The following EIF4E3 variants were observed in gnomAD, a reference collection of about 807,000 sequenced individuals.
EIF4E3 encodes eukaryotic translation initiation factor 4E type 3.
In EIF4E3, 26 loss-of-function variants were observed where a neutral mutation model predicts 31.7. That is an observed-to-expected ratio of 0.82 (90% CI 0.60 to 1.14). The LOEUF (loss-of-function observed/expected upper bound fraction) is 1.14. Ranked by LOEUF, EIF4E3 falls within the 50% of genes most tolerant of loss-of-function variation. EIF4E3 has a pLI of 0.00. For missense variants in EIF4E3, 304 were observed against 270.9 expected (o/e 1.12, Z -0.86); for synonymous variants, 128 against 107.7 (o/e 1.19, Z -1.17).
rs994358277 is a variant in EIF4E3 at position 71,679,994 on chromosome 3, A to G, written c.*4688T>C. The G allele has an allele frequency of 6.6e-6, 1 of 152,218 alleles. No individual in the cohort carries two copies. Among genetic ancestry groups the G allele is most frequent in the Non-Finnish European group, 1.5e-5 (1 of 68,028 alleles). The allele number at this position is 152,218 out of a possible 1,614,324, so 9.4% of individuals were successfully genotyped here. A position where few individuals can be genotyped will look rare whatever the true frequency, so the allele number is the denominator to read the frequency against. ...CTTAACAGACTGAAATGGTATTTAGAAAAGAGAAAAACCACCACTCTGTAT... is the reference window on the plus strand; with the variant it reads ...CTTAACAGACTGAAATGGTATTTAGGAAAGAGAAAAACCACCACTCTGTAT... On this transcript the variant is annotated 3_prime_UTR_variant, in exon 7 of 7. Transcript: ENST00000425534.
chr3:71,679,791 AGG>A lies in EIF4E3; in HGVS notation c.*4889_*4890del. ...TTAATTTTAGTGGAAATTCATTCCC[AGG>A]CTACTTTGATAGTCATTTGAACAGT... On this transcript the variant is annotated 3_prime_UTR_variant, in exon 7 of 7. Transcript: ENST00000425534. 6.6e-6 allele frequency: 1 copy of A among 152,210 alleles called. No homozygotes were observed. The highest frequency in any genetic ancestry group is 1.9e-4 in the East Asian group (1 of 5,198). The allele number at this position is 152,210 out of a possible 1,614,324, so 9.4% of individuals were successfully genotyped here.
intron 4 of EIF4E3, among the ~76,000 whole-genome samples, chr3:71,694,802 G>C (rs1235490557): frequency 1.3e-5 from 2 of 152,136 alleles, no homozygotes; most frequent in African/African-American, 4.8e-5. Flanking sequence ...AATAATAATA[G>C]GTCCGACCTT....
the EIF4E3 span, among the ~76,000 whole-genome samples, chr3:71,665,215 T>G: frequency 6.6e-6 from 1 of 152,290 alleles, no homozygotes; most frequent in Admixed American, 6.5e-5. Flanking sequence ...CCAGTGAAAA[T>G]TCAAATATGG....
At chr3:71,724,483 C>G (rs537643544) in intron 1 of EIF4E3, among the ~76,000 whole-genome samples, 4 of 152,274 alleles carry the variant, frequency 2.6e-5, no homozygotes, top group South Asian at 2.1e-4. Context: ...ATTTTAGATA[C>G]GGTAGTCAGG....
intron 1 of EIF4E3, among the ~76,000 whole-genome samples, chr3:71,731,194 C>T (rs1484392212): frequency 1.3e-5 from 2 of 152,198 alleles, no homozygotes; most frequent in East Asian, 3.9e-4. Context: ...TCCTCAAACA[C>T]TGGTTTGCTT....
At chr3:71,694,660 T>A (rs1407414452) in intron 4 of EIF4E3, among the ~76,000 whole-genome samples, 1 of 152,214 alleles carries the variant, frequency 6.6e-6, no homozygotes, top group Non-Finnish European at 1.5e-5. Context: ...GTCCCATTTA[T>A]CCTCCTTCCT....
rs59283964 is a variant in EIF4E3, at chr3:71,690,902, C to T, written c.473-737G>A. Among the ~76,000 whole-genome samples, 132 of 152,222 alleles carry T rather than the reference C, an allele frequency of 8.7e-4. 1 individual carries two copies. The highest frequency in any genetic ancestry group is 3.0e-3 in the African/African-American group (125 of 41,534). On this transcript the variant is annotated intron_variant, in intron 5 of 6. Transcript: ENST00000425534. ...ATAGGATCGTCCTTCAATGAATGAA[C>T]GTTAAGGCATTTATCCACATTGATT... is the stretch of plus-strand genomic sequence containing the variant.
chr3:71,750,765 GGT>G (rs1491533958), intron 1 of EIF4E3, among the ~76,000 whole-genome samples: 9 of 123,768 alleles, frequency 7.3e-5, no homozygotes, highest in Non-Finnish European at 8.8e-5. Context: ...ACAAATAATT[GGT>G]TTTTTTTTTT....
At chr3:71,753,932 G>T, upstream of EIF4E3, 1 of 1,007,272 alleles carries the variant, frequency 9.9e-7, no homozygotes, top group African/African-American at 1.7e-5. Flanking sequence ...GCTGAGCCCC[G>T]CAGGACGGGG....
chr3:71,735,529 T>C (rs2049753834), intron 1 of EIF4E3, among the ~76,000 whole-genome samples: 3 of 152,212 alleles, frequency 2.0e-5, no homozygotes, highest in Admixed American at 1.3e-4. Flanking sequence ...ATAGGTGTAA[T>C]GTCACCACCC....
In EIF4E3 at chr3:71,717,344, C is replaced by T. The variant is rs551695477; in HGVS notation, c.177-6860G>A. Among the ~76,000 whole-genome samples, 17 of 152,312 alleles carry T rather than the reference C, an allele frequency of 1.1e-4. No individual in the cohort carries two copies. In the East Asian group the frequency reaches 3.3e-3, roughly 29 times the overall value. ...GAAAGTAAAATCTAATGAACTACAG[C>T]ATCACAAGACAAATGTAAAAATCAC... On this transcript the variant is annotated intron_variant, in intron 1 of 6. Coordinates refer to ENST00000425534, the MANE Select transcript of EIF4E3 (RefSeq NM_001134651.2).
At chr3:71,707,733 T>A (rs2049314632) in intron 2 of EIF4E3, among the ~76,000 whole-genome samples, 1 of 152,150 alleles carries the variant, frequency 6.6e-6, no homozygotes, top group South Asian at 2.1e-4. Flanking sequence ...GTAAAAAGAA[T>A]GAGATTTGTT....
intron 1 of EIF4E3, among the ~76,000 whole-genome samples, chr3:71,714,306 GAAAGAAAGGA>G (rs1478476680): frequency 5.6e-5 from 6 of 107,298 alleles, no homozygotes; most frequent in African/African-American, 2.3e-4. Flanking sequence ...AGGAAGGAAC[GAAAGAAAGGA>G]AAGGAAAGAA....
At chr3:71,660,886 G>T in the EIF4E3 span, among the ~76,000 whole-genome samples, 8 of 152,240 alleles carry the variant, frequency 5.3e-5, no homozygotes, top group East Asian at 1.4e-3. Context: ...GGGCAGGCTG[G>T]TTATTTTTAT....
chr3:71,670,337 G>A, the EIF4E3 span, among the ~76,000 whole-genome samples: 1 of 152,074 alleles, frequency 6.6e-6, no homozygotes, highest in African/African-American at 2.4e-5. Context: ...GTGCCTCTTC[G>A]CAAGGCTCGC....
intron 1 of EIF4E3, among the ~76,000 whole-genome samples, chr3:71,719,128 C>T (rs1244837934): frequency 9.9e-5 from 15 of 152,178 alleles, no homozygotes. Flanking sequence ...AGGGTGGGTC[C>T]CTGTAGAACT....
Position 71,675,430 on chromosome 3 carries a change from T to G in EIF4E3, c.*9252A>C, listed in dbSNP as rs2048868131. On this transcript the variant is annotated 3_prime_UTR_variant, in exon 7 of 7. Transcript: ENST00000425534. ...AAAGCAAGCTTCAGATATAAATTTT[T>G]TAATTCCCAGTTAAAACCTTGAGAA... 1 of 152,232 alleles carries G rather than the reference T, an allele frequency of 6.6e-6. No homozygotes were observed. The highest frequency in any genetic ancestry group is 1.5e-5 in the Non-Finnish European group (1 of 68,042). 9.4% of individuals were successfully genotyped at this position (152,232 alleles called of 1,614,324 possible).
At chr3:71,693,986 T>C (rs1366419239) in intron 4 of EIF4E3, 45 bp from the exon 5 acceptor site, 5 of 1,497,962 alleles carry the variant, frequency 3.3e-6, no homozygotes, top group East Asian at 2.5e-5. Context: ...AAAATACAGA[T>C]ATTTTTAGAC....
In EIF4E3 at chr3:71,677,335, T is replaced by A. The variant is rs1326696673; in HGVS notation, c.*7347A>T. ...GTCTTGTAGGATTCCAGAGATTTTT[T>A]TATGCATTCATTAACGAAAAGCAGT... On this transcript the variant is annotated 3_prime_UTR_variant, in exon 7 of 7. Coordinates refer to ENST00000425534, the MANE Select transcript of EIF4E3 (RefSeq NM_001134651.2). 6.6e-6 allele frequency: 1 copy of A among 152,164 alleles called. No individual in the cohort carries two copies. Among genetic ancestry groups the A allele is most frequent in the Non-Finnish European group, 1.5e-5 (1 of 68,016 alleles). The allele number at this position is 152,164 out of a possible 1,614,324, so 9.4% of individuals were successfully genotyped here.
Sources: allele counts gnomAD v4.1 joint callset (sites outside exome capture counted in the v4.1 genomes callset), GRCh38; gene constraint gnomAD v4.1.1; transcripts MANE v1.5; gene names NCBI Gene and HGNC (gene_info 2026-07-23, HGNC 2026-07-21).